CADPS2: variants seen among roughly 807,000 people sequenced by gnomAD.
CADPS2 encodes the protein calcium-dependent secretion activator 2.
Under a neutral mutation model 172.5 loss-of-function variants are expected in CADPS2, and 93 were observed. The observed-to-expected ratio is 0.54, with a 90% confidence interval of 0.46 to 0.64. CADPS2 has a LOEUF of 0.64. Ranked by LOEUF, CADPS2 falls within the 30% of genes least tolerant of loss-of-function variation. The pLI, the probability that CADPS2 is intolerant of heterozygous loss-of-function variation, is 0.00. For missense variants in CADPS2, 1,420 were observed against 1,565.9 expected, an observed-to-expected ratio of 0.91 and a Z score of 1.57; for synonymous variants, 546 against 555.2, an observed-to-expected ratio of 0.98 and a Z score of 0.23.
intron 7 of CADPS2, among the ~76,000 whole-genome samples, chr7:122,573,118 C>T (rs955727733): frequency 6.6e-6 from 1 of 152,136 alleles, no homozygotes; most frequent in African/African-American, 2.4e-5. Flanking sequence ...GTCAATGATG[C>T]TATTTATACC....
At chr7:122,623,631 A>G (rs971412492) in intron 4 of CADPS2, among the ~76,000 whole-genome samples, 11 of 152,214 alleles carry the variant, frequency 7.2e-5, no homozygotes, top group East Asian at 1.9e-4. Context: ...TTTTGATTAA[A>G]CCCCATTAAT....
Position 122,407,748 on chromosome 7 carries a change from A to C in CADPS2, c.2590-52T>G, listed in dbSNP as rs775545917. The C allele has an allele frequency of 8.1e-6, 12 of 1,476,884 alleles. 1 individual carries two copies. In the South Asian group the frequency reaches 1.3e-4, roughly 16 times the overall value. 91.5% of individuals were successfully genotyped at this position (1,476,884 alleles called of 1,614,324 possible). On this transcript the variant is annotated intron_variant, in intron 19 of 29. Coordinates refer to ENST00000449022, the MANE Select transcript of CADPS2 (RefSeq NM_017954.11). ...GAAAAGTAGATTACTTTTTAGAAAC[A>C]TGCACAAGTACTGTGCCAGTTGAAA...
intron 1 of CADPS2, among the ~76,000 whole-genome samples, chr7:122,765,149 G>A (rs1463237525): frequency 1.3e-5 from 2 of 152,100 alleles, no homozygotes; most frequent in Non-Finnish European, 2.9e-5. Flanking sequence ...ACAAAGTTCA[G>A]GCATTCCAAA....
At chr7:122,636,854 G>A (rs180693778) in intron 3 of CADPS2, among the ~76,000 whole-genome samples, 5 of 152,032 alleles carry the variant, frequency 3.3e-5, no homozygotes, top group Admixed American at 3.3e-4. Flanking sequence ...ATACTATCTT[G>A]CCAGAATTCT....
chr7:122,477,543 C>CAA (rs74426975), intron 12 of CADPS2, among the ~76,000 whole-genome samples: 3 of 112,126 alleles, frequency 2.7e-5, no homozygotes, highest in Non-Finnish European at 3.9e-5. Context: ...CCGACCCCAC[C>CAA]AAAAAAAAAA....
intron 13 of CADPS2, among the ~76,000 whole-genome samples, chr7:122,472,371 G>C (rs958811761): frequency 6.6e-6 from 1 of 151,748 alleles, no homozygotes; most frequent in Non-Finnish European, 1.5e-5. Context: ...AAAAGAAAAG[G>C]AGTAAGAGAA....
chr7:122,446,919 G>A (rs577610160), intron 15 of CADPS2, among the ~76,000 whole-genome samples: 1 of 151,002 alleles, frequency 6.6e-6, no homozygotes, highest in Non-Finnish European at 1.5e-5. Context: ...ATTGCTTTAT[G>A]TTTAATGTCT....
intron 22 of CADPS2, among the ~76,000 whole-genome samples, chr7:122,389,589 C>T (rs930977961): frequency 2.0e-5 from 3 of 151,934 alleles, no homozygotes; most frequent in Non-Finnish European, 2.9e-5. Context: ...ATGGTTATTA[C>T]TTTCCATTAT....
intron 25 of CADPS2, among the ~76,000 whole-genome samples, chr7:122,365,311 T>G (rs1288792637): frequency 6.6e-6 from 1 of 152,152 alleles, no homozygotes; most frequent in Non-Finnish European, 1.5e-5. Flanking sequence ...AGTGCTTACA[T>G]GGCAGTGAGC....
intron 17 of CADPS2, among the ~76,000 whole-genome samples, chr7:122,417,797 G>A (rs2048099045): frequency 6.6e-6 from 1 of 152,174 alleles, no homozygotes. Flanking sequence ...GGGAAGGTAA[G>A]CCTGAAACAT....
At chr7:122,500,034 C>T (rs1000274297) in intron 9 of CADPS2, among the ~76,000 whole-genome samples, 2 of 152,180 alleles carry the variant, frequency 1.3e-5, no homozygotes, top group African/African-American at 2.4e-5. Flanking sequence ...TCTATAGCTA[C>T]CGCTGTGTAA....
At chr7:122,542,649 T>A (rs1483083641) in intron 8 of CADPS2, among the ~76,000 whole-genome samples, 18 of 152,198 alleles carry the variant, frequency 1.2e-4, no homozygotes, top group Non-Finnish European at 1.5e-5. Context: ...TCCTGTTTTA[T>A]TGTAGCTCTC....
At chr7:122,347,417 T>G (rs1397114994) in intron 27 of CADPS2, among the ~76,000 whole-genome samples, 3 of 152,200 alleles carry the variant, frequency 2.0e-5, no homozygotes, top group Non-Finnish European at 4.4e-5. Flanking sequence ...TGTTACAAAG[T>G]TATTTCTGTG....
intron 2 of CADPS2, among the ~76,000 whole-genome samples, chr7:122,670,315 A>C (rs1030929815): frequency 3.9e-5 from 6 of 152,094 alleles, no homozygotes; most frequent in African/African-American, 1.4e-4. Context: ...ACAGTGGCTC[A>C]TGCTGGTATC....
At chr7:122,667,919 G>A (rs114462051) in intron 2 of CADPS2, among the ~76,000 whole-genome samples, 1 of 152,274 alleles carries the variant, frequency 6.6e-6, no homozygotes, top group African/African-American at 2.4e-5. Flanking sequence ...CACTATAAGA[G>A]TGGGGGCCAC....
intron 1 of CADPS2, among the ~76,000 whole-genome samples, chr7:122,851,248 G>T (rs975670076): frequency 1.3e-5 from 2 of 152,126 alleles, no homozygotes; most frequent in African/African-American, 4.8e-5. Flanking sequence ...ATGAGAATTG[G>T]ACTACAGTGC....
chr7:122,739,574 G>C (rs149156960), intron 1 of CADPS2, among the ~76,000 whole-genome samples: 1 of 152,280 alleles, frequency 6.6e-6, no homozygotes, highest in East Asian at 1.9e-4. Flanking sequence ...AAATAAGCCA[G>C]AGTCACCTGG....
chr7:122,828,200 T>C (rs1805507083), intron 1 of CADPS2, among the ~76,000 whole-genome samples: 1 of 152,190 alleles, frequency 6.6e-6, no homozygotes, highest in Admixed American at 6.5e-5. Flanking sequence ...AATAATTTTA[T>C]TTTCTTTGAA....
At chr7:122,628,701 C>T (rs768336335) in intron 4 of CADPS2, among the ~76,000 whole-genome samples, 46 of 150,250 alleles carry the variant, frequency 3.1e-4, no homozygotes, top group Admixed American at 1.1e-3. Context: ...TCTCTATTCA[C>T]GATACACAGT....
Sources: allele counts gnomAD v4.1 joint callset (sites outside exome capture counted in the v4.1 genomes callset), GRCh38; gene constraint gnomAD v4.1.1; transcripts MANE v1.5; gene names NCBI Gene and HGNC (gene_info 2026-07-23, HGNC 2026-07-21).